NAALADL2: variants seen among roughly 807,000 people sequenced by gnomAD.
NAALADL2 encodes the protein inactive N-acetylated-alpha-linked acidic dipeptidase-like protein 2.
A neutral mutation model predicts 87.2 loss-of-function variants in NAALADL2; 76 were observed. The observed-to-expected ratio is 0.87, with a 90% CI of 0.72 to 1.05. NAALADL2 has a LOEUF of 1.05. NAALADL2 is among the 50% of genes least tolerant of loss of function. NAALADL2 has a pLI of 0.00. For synonymous variants in NAALADL2, 354 were observed against 331.0 expected (o/e 1.07, Z -0.75); for missense variants, 1,089 against 945.8 (o/e 1.15, Z -1.99).
intron 2 of NAALADL2, among the ~76,000 whole-genome samples, chr3:175,188,572 C>G (rs778366183): frequency 6.6e-6 from 1 of 152,124 alleles, no homozygotes; most frequent in Non-Finnish European, 1.5e-5. Flanking sequence ...TGTGCCATCT[C>G]ATCCTCCAGG....
Position 175,575,662 on chromosome 3 carries a change from C to A in NAALADL2, c.1654-379C>A, listed in dbSNP as rs796393050. 6.6e-5 allele frequency among the ~76,000 whole-genome samples: 10 copies of A among 152,000 alleles called. 1 individual carries two copies. In the South Asian group the frequency reaches 2.1e-3, roughly 32 times the overall value. On this transcript the variant is annotated intron_variant, in intron 9 of 13. Transcript: ENST00000454872. The stretch of plus-strand genomic sequence containing the variant: ...AAGCATTCTTTAAGTTTATGGGAAA[C>A]CTTAATTAAAAAAACAAAATGCTAC...
At chr3:175,083,364 C>T (rs1055646777) in intron 1 of NAALADL2, among the ~76,000 whole-genome samples, 6 of 152,152 alleles carry the variant, frequency 3.9e-5, no homozygotes, top group African/African-American at 9.7e-5. Flanking sequence ...GGTGTCTGGG[C>T]GTGTGCATAC....
chr3:175,524,906 A>G (rs1409647544), intron 9 of NAALADL2, among the ~76,000 whole-genome samples: 1 of 152,124 alleles, frequency 6.6e-6, no homozygotes, highest in East Asian at 1.9e-4. Flanking sequence ...TAGCTACATA[A>G]ACTAATAATG....
intron 4 of NAALADL2, among the ~76,000 whole-genome samples, chr3:175,282,560 C>T (rs1383511986): frequency 6.6e-6 from 1 of 152,034 alleles, no homozygotes; most frequent in Non-Finnish European, 1.5e-5. Context: ...AGAACTTCTT[C>T]AAATTCTCAC....
At chr3:175,429,275 C>T (rs915314267) in intron 5 of NAALADL2, among the ~76,000 whole-genome samples, 23 of 151,314 alleles carry the variant, frequency 1.5e-4, no homozygotes, top group South Asian at 4.2e-4. Flanking sequence ...TTTTCAGATA[C>T]GCCCTGGGGA....
At chr3:175,529,592 G>A (rs532317215) in intron 9 of NAALADL2, among the ~76,000 whole-genome samples, 1 of 152,226 alleles carries the variant, frequency 6.6e-6, no homozygotes, top group Admixed American at 6.5e-5. Context: ...CACCTAGTTG[G>A]CAGTGTAATT....
At chr3:175,617,844 G>A (rs1725554450) in intron 10 of NAALADL2, among the ~76,000 whole-genome samples, 1 of 152,186 alleles carries the variant, frequency 6.6e-6, no homozygotes, top group South Asian at 2.1e-4. Context: ...TCTCTGGTCT[G>A]TTGTGGATAG....
chr3:174,563,270 AT>A (rs1242929052), intron 2 of NAALADL2, among the ~76,000 whole-genome samples: 1 of 151,670 alleles, frequency 6.6e-6, no homozygotes, highest in Non-Finnish European at 1.5e-5. Flanking sequence ...CCAGATATTT[AT>A]AAGTATATGC....
At chr3:174,749,145 C>G (rs1734577150) in intron 3 of NAALADL2, among the ~76,000 whole-genome samples, 1 of 152,086 alleles carries the variant, frequency 6.6e-6, no homozygotes, top group East Asian at 1.9e-4. Context: ...TTCTCTCTGC[C>G]TATTGTGTAG....
At chr3:174,758,711 C>T (rs909675042) in intron 3 of NAALADL2, among the ~76,000 whole-genome samples, 1 of 152,190 alleles carries the variant, frequency 6.6e-6, no homozygotes, top group Non-Finnish European at 1.5e-5. Flanking sequence ...TTTCCAGTCC[C>T]CCATTAAACT....
intron 5 of NAALADL2, among the ~76,000 whole-genome samples, chr3:175,361,827 C>T (rs1228397504): frequency 2.0e-5 from 3 of 148,216 alleles, no homozygotes; most frequent in Admixed American, 6.9e-5. Flanking sequence ...TGCCTGCTCA[C>T]TCTGGTGGTA....
At chr3:175,228,304 C>T (rs1034517296) in intron 2 of NAALADL2, among the ~76,000 whole-genome samples, 1 of 151,938 alleles carries the variant, frequency 6.6e-6, no homozygotes, top group African/African-American at 2.4e-5. Context: ...TTCTTAACTA[C>T]TTTTCCAGAG....
chr3:175,286,234 TCAGAC>T lies in NAALADL2; in HGVS notation c.939+29709_939+29713del, dbSNP rs1255155542. Reference sequence around the variant, plus strand: ...TGCTATGGCAGTAAGGCAGATTTATTCAGACCAGAGGGAAAAATCAAGCCTTGTGT... The same window carrying T: ...TGCTATGGCAGTAAGGCAGATTTATTCAGAGGGAAAAATCAAGCCTTGTGT... On this transcript the variant is annotated intron_variant, in intron 4 of 13. Coordinates refer to ENST00000454872, the MANE Select transcript of NAALADL2 (RefSeq NM_207015.3). Among the ~76,000 whole-genome samples the T allele has an allele frequency of 7.2e-5, 11 of 152,314 alleles. 1 individual carries two copies. Among genetic ancestry groups the T allele is most frequent in the African/African-American group, 2.6e-4 (11 of 41,570 alleles).
intron 2 of NAALADL2, among the ~76,000 whole-genome samples, chr3:175,230,462 CA>C (rs1459268113): frequency 2.6e-5 from 4 of 151,758 alleles, no homozygotes; most frequent in Non-Finnish European, 4.4e-5. Context: ...TAGGCAAAAA[CA>C]AGAGCAGTTA....
chr3:175,073,927 C>A (rs901631590), intron 1 of NAALADL2, among the ~76,000 whole-genome samples: 3 of 152,068 alleles, frequency 2.0e-5, no homozygotes, highest in Non-Finnish European at 4.4e-5. Context: ...ACCATTTGCA[C>A]CCCATTTCCT....
At chr3:174,849,821 G>T (rs185050678) in intron 3 of NAALADL2, among the ~76,000 whole-genome samples, 3 of 150,226 alleles carry the variant, frequency 2.0e-5, no homozygotes, top group Admixed American at 2.0e-4. Flanking sequence ...ATCATTGTCT[G>T]CCACCTCCAC....
chr3:175,142,333 T>A (rs1730119553), intron 2 of NAALADL2, among the ~76,000 whole-genome samples: 1 of 152,094 alleles, frequency 6.6e-6, no homozygotes, highest in South Asian at 2.1e-4. Flanking sequence ...CAATTATGTT[T>A]TATTTTCAAA....
intron 13 of NAALADL2, among the ~76,000 whole-genome samples, chr3:175,778,608 A>G (rs77506096): frequency 0.018 from 2,679 of 152,348 alleles, 90 homozygotes; most frequent in African/African-American, 0.062. Context: ...AGTAACACAT[A>G]TAAAGCTTTT....
In NAALADL2 at chr3:175,481,515, C is replaced by A. The variant is rs541458592; in HGVS notation, c.1653+9757C>A. Among the ~76,000 whole-genome samples, 5 of 151,768 alleles carry A rather than the reference C, an allele frequency of 3.3e-5. No homozygotes were observed. The East Asian group carries it at 9.7e-4, about 29-fold the overall frequency. ...CTTCACTCGTGCTGGTGTAAAATGG[C>A]GCCATCCCTTGAAAAAATGGTTTGA... On this transcript the variant is annotated intron_variant, in intron 9 of 13. Coordinates refer to ENST00000454872, the MANE Select transcript of NAALADL2 (RefSeq NM_207015.3).
Sources: gnomAD v4.1 joint callset for allele counts (sites outside exome capture counted in the v4.1 genomes callset) on GRCh38, gnomAD v4.1.1 for gene constraint, MANE v1.5 for transcripts, NCBI Gene and HGNC (gene_info 2026-07-23, HGNC 2026-07-21) for gene names.